KRT71: variants seen among roughly 807,000 people sequenced by gnomAD.
KRT71 encodes keratin 71.
Under a neutral mutation model 46.2 loss-of-function variants are expected in KRT71, and 42 were observed. The ratio of observed to expected loss-of-function variants is 0.91; its 90% CI spans 0.71 to 1.18. KRT71 has a LOEUF of 1.18. Among genes scored for constraint, KRT71 ranks in the 50% most tolerant of loss-of-function variants. The pLI, the probability that KRT71 is intolerant of heterozygous loss-of-function variation, is 0.00. For synonymous variants in KRT71, 292 were observed against 277.8 expected (o/e 1.05, Z -0.51); for missense variants, 708 against 677.9 (o/e 1.04, Z -0.49).
chr12:52,546,180 A>G lies in KRT71; in HGVS notation c.1325+106T>C. 3.3e-6 allele frequency: 4 copies of G among 1,218,810 alleles called. No individual in the cohort carries two copies. The South Asian group carries it at 4.3e-5, about 13-fold the overall frequency. 75.5% of individuals were successfully genotyped at this position (1,218,810 alleles called of 1,614,324 possible). A position where few individuals can be genotyped will look rare whatever the true frequency, so the allele number is the denominator to read the frequency against. ...TGATTATTTCTATCCTCATCACCCC[A>G]TCACTTCCTAAGAACTCATCTCTTC... On this transcript the variant is annotated intron_variant, in intron 7 of 8. Transcript: ENST00000267119.
In KRT71 at chr12:52,550,020, C is replaced by T. The variant is rs374095474; in HGVS notation, c.656+9G>A. On this transcript the variant is annotated intron_variant, in intron 2 of 8. Transcript: ENST00000267119. ...GTTGTCCAGTTACAGGGGGACTCCT[C>T]CTGCTCACCTCTTCTTGTAGTCCTC... The T allele has an allele frequency of 9.3e-6, 15 of 1,613,988 alleles. No homozygotes were observed. In the African/African-American group the frequency reaches 9.3e-5, roughly 10 times the overall value.
Position 52,548,786 on chromosome 12 carries a change from G to A in KRT71, c.728C>T (p.Ala243Val). The part of the protein sequence containing the change: ...EFVLLKKDVD[A>V]AYANKVELQA... The stretch of plus-strand genomic sequence containing the variant: ...CAGTTCCACCTTATTGGCGTAAGCA[G>A]CATCCACATCCTGAAAGATGCCCCC... Residue 243 changes from alanine to valine, a missense_variant, in exon 4 of 9, where the codon GCT (alanine) becomes GTT (valine). Physicochemically the swap from Ala to Val is moderately conservative, Grantham distance 64. Coordinates refer to ENST00000267119, the MANE Select transcript of KRT71 (RefSeq NM_033448.3). 3.1e-6 allele frequency: 5 copies of A among 1,614,140 alleles called. No individual in the cohort carries two copies. Among genetic ancestry groups the A allele is most frequent in the Non-Finnish European group, 4.2e-6 (5 of 1,179,994 alleles).
In KRT71 at chr12:52,547,886, G is replaced by A. The variant is rs769164379; in HGVS notation, c.1075C>T (p.Arg359Cys). ...SELTRLIQRI[R>C]SEIENVKKQA... ...TTCTTCACGTTCTCGATCTCTGAGC[G>A]GATTCTCTGGATGAGCCGAGTGAGC... Residue 359 changes from arginine (R) to cysteine (C), a missense_variant, in exon 6 of 9, where the codon CGC becomes TGC. Coordinates refer to ENST00000267119, the MANE Select transcript of KRT71 (RefSeq NM_033448.3). The A allele has an allele frequency of 2.4e-5, 39 of 1,613,994 alleles. No homozygotes were observed. The highest frequency in any genetic ancestry group is 6.7e-5 in the Admixed American group (4 of 59,996).
chr12:52,551,200 G>C lies in KRT71; in HGVS notation c.442-957C>G, dbSNP rs117181326. ...ACTGAACACATCTGGATGCCGAAAG[G>C]ATTTACCCGTCTTCTCTGGCTGCCT... On this transcript the variant is annotated intron_variant, in intron 1 of 8. Transcript: ENST00000267119. Among the ~76,000 whole-genome samples, 144 of 152,262 alleles carry C rather than the reference G, an allele frequency of 9.5e-4. 6 individuals are homozygous for C. The East Asian group carries it at 0.025, about 27-fold the overall frequency.
chr12:52,548,070 C>A, intron 5 of KRT71, 82 bp downstream of exon 5: 1 of 1,600,062 alleles, frequency 6.2e-7, no homozygotes, highest in Non-Finnish European at 8.5e-7. Context: ...TACTGGGACA[C>A]TGCTTCTATT....
In KRT71 at chr12:52,548,253, G is replaced by A. The variant is rs763192846; in HGVS notation, c.877C>T (p.Arg293Trp). The change falls in exon 5 of 9, where the codon CGG becomes TGG. Residue 293 changes from arginine to tryptophan, a missense_variant. Coordinates refer to ENST00000267119, the MANE Select transcript of KRT71 (RefSeq NM_033448.3). ...MSVILSMDNN[R>W]NLDLDSIIDE... ...ATGATGCTGTCCAGGTCTAGGTTCCGGTTGTTGTCCATGGACAGGATGACA... is the reference window on the plus strand; with the variant it reads ...ATGATGCTGTCCAGGTCTAGGTTCCAGTTGTTGTCCATGGACAGGATGACA... The A allele has an allele frequency of 9.3e-6, 15 of 1,614,048 alleles. No individual in the cohort carries two copies. The highest frequency in any genetic ancestry group is 5.3e-5 in the African/African-American group (4 of 74,930).
At chr12:52,547,134 G>C (rs1376665966) in intron 6 of KRT71, among the ~76,000 whole-genome samples, 3 of 152,186 alleles carry the variant, frequency 2.0e-5, no homozygotes, top group African/African-American at 7.2e-5. Context: ...GGAGTCAGGA[G>C]ACCTTGGTTC....
chr12:52,544,537 G>T lies in KRT71; in HGVS notation c.1567C>A (p.Arg523=). The change falls in exon 9 of 9, where the codon CGG becomes AGG. Residue 523 remains arginine, a synonymous_variant. Transcript: ENST00000267119. Reference sequence around the variant, plus strand: ...GGGGCCCGGGGCAGTCTTCTCTACCGACTGGTTTTCTTGGAGGGTGCACTC... The same window carrying T: ...GGGGCCCGGGGCAGTCTTCTCTACCTACTGGTTTTCTTGGAGGGTGCACTC... The part of the protein sequence containing the change: ...SLSAPSKKTS[R] The T allele has an allele frequency of 6.2e-7, 1 of 1,613,938 alleles. No individual in the cohort carries two copies.
At chr12:52,547,184 T>C (rs979890479) in intron 6 of KRT71, among the ~76,000 whole-genome samples, 2 of 152,146 alleles carry the variant, frequency 1.3e-5, no homozygotes, top group Non-Finnish European at 2.9e-5. Flanking sequence ...GTAACCCCCT[T>C]ATCCTCTCTG....
chr12:52,550,630 C>G (rs1021966623), intron 1 of KRT71, among the ~76,000 whole-genome samples: 2 of 152,246 alleles, frequency 1.3e-5, no homozygotes, highest in African/African-American at 2.4e-5. Flanking sequence ...CTCTTCATTT[C>G]AGGGCATGTC....
chr12:52,550,377 T>G, intron 1 of KRT71, 134 bp from the exon 2 acceptor site: 1 of 1,110,738 alleles, frequency 9.0e-7, no homozygotes, highest in African/African-American at 1.6e-5. Context: ...ATCATTACCC[T>G]CTGCTATGGA....
chr12:52,545,119 G>A (rs1939037499), intron 8 of KRT71, among the ~76,000 whole-genome samples: 1 of 152,112 alleles, frequency 6.6e-6, no homozygotes, highest in Admixed American at 6.5e-5. Flanking sequence ...CCCAAGCTCT[G>A]GTTTAACTCT....
intron 4 of KRT71, 151 bp downstream of exon 4, chr12:52,548,550 A>G: frequency 3.8e-6 from 3 of 788,510 alleles, no homozygotes; most frequent in Non-Finnish European, 6.2e-6. Flanking sequence ...GAGTGTGCAG[A>G]CCTAGGAGCC....
rs1939086161 is a variant in KRT71, at chr12:52,547,978, T to C, written c.983A>G (p.Gln328Arg). 1 of 1,610,344 alleles carries C rather than the reference T, an allele frequency of 6.2e-7. No homozygotes were observed. Among genetic ancestry groups the C allele is most frequent in the Non-Finnish European group, 8.5e-7 (1 of 1,178,332 alleles). Residue 328 changes from glutamine (Q) to arginine (R), a missense_variant, in exon 6 of 9, where the codon CAA becomes CGA. By Grantham distance (43) the Gln-to-Arg change is conservative. Transcript: ENST00000267119. Reference protein sequence around the residue: ...EAEALYQTKFQELQLAAGRHG... With the variant: ...EAEALYQTKFRELQLAAGRHG... ...CCTGCCAGCTGCCAGCTGAAGCTCT[T>C]GGAACTGGGGACCCCAAAGCACAGA...
At chr12:52,548,874 G>T in intron 3 of KRT71, 78 bp from the exon 4 acceptor site, 1 of 1,235,200 alleles carries the variant, frequency 8.1e-7, no homozygotes, top group Non-Finnish European at 1.2e-6. Context: ...TGGGTTCCCT[G>T]AGTGAAGAAG....
At position 52,544,475 on chromosome 12, in the gene KRT71, A is replaced by G; in HGVS notation, c.*57T>C. ...GAGCTGAGAGTGGGCTGTGGGAAGT[A>G]CAGTGTGGGATCCAGAGCCGGGTCA... On this transcript the variant is annotated 3_prime_UTR_variant, in exon 9 of 9. Transcript: ENST00000267119. The G allele has an allele frequency of 6.8e-7, 1 of 1,466,122 alleles. No homozygotes were observed. Among genetic ancestry groups the G allele is most frequent in the Admixed American group, 1.7e-5 (1 of 59,620 alleles). The allele number at this position is 1,466,122 out of a possible 1,614,324, so 90.8% of individuals were successfully genotyped here.
intron 4 of KRT71, 23 bp from the exon 5 acceptor site, chr12:52,548,339 C>A (rs1939095508): frequency 1.3e-6 from 2 of 1,588,604 alleles, no homozygotes; most frequent in Non-Finnish European, 1.7e-6. Flanking sequence ...CAGAAATGGT[C>A]TCTCGGCTCA....
intron 8 of KRT71, among the ~76,000 whole-genome samples, chr12:52,545,303 C>G (rs577705809): frequency 1.8e-4 from 28 of 152,188 alleles, no homozygotes; most frequent in Non-Finnish European, 4.0e-4. Flanking sequence ...TACAACATAA[C>G]CCTTGCTTTC....
intron 2 of KRT71, 124 bp downstream of exon 2, chr12:52,549,905 C>T: frequency 8.8e-7 from 1 of 1,130,306 alleles, no homozygotes. Flanking sequence ...GGTGATTCTG[C>T]TTGATATGAC....
Sources: allele counts gnomAD v4.1 joint callset (sites outside exome capture counted in the v4.1 genomes callset), GRCh38; gene constraint gnomAD v4.1.1; transcripts MANE v1.5; gene names NCBI Gene and HGNC (gene_info 2026-07-23, HGNC 2026-07-21).